The following MICAL2 variants were observed in gnomAD, a reference collection of about 807,000 sequenced individuals.
MICAL2 encodes the protein microtubule associated monooxygenase, calponin and LIM domain containing 2.
A neutral mutation model predicts 127.3 loss-of-function variants in MICAL2; 77 were observed. The ratio of observed to expected loss-of-function variants is 0.60; its 90% CI spans 0.50 to 0.73. The LOEUF is 0.73. MICAL2 is among the 30% of genes least tolerant of loss of function. The probability of loss-of-function intolerance (pLI) is 0.00; values close to 1 mark genes in which losing one functional copy is unlikely to be tolerated. For synonymous variants in MICAL2, 570 were observed against 551.1 expected, an observed-to-expected ratio of 1.03 and a Z score of -0.48; for missense variants, 1,351 against 1,434.4, an observed-to-expected ratio of 0.94 and a Z score of 0.94.
At chr11:12,224,133 C>A (rs941868113) in intron 12 of MICAL2, among the ~76,000 whole-genome samples, 1 of 152,184 alleles carries the variant, frequency 6.6e-6, no homozygotes, top group Non-Finnish European at 1.5e-5. Flanking sequence ...TTTACTGTTA[C>A]GCAAACATAG....
chr11:12,131,259 G>C (rs1590012613), intron 1 of MICAL2, among the ~76,000 whole-genome samples: 1 of 27,096 alleles, frequency 3.7e-5, no homozygotes, highest in Non-Finnish European at 1.2e-4. Flanking sequence ...CGCCACTGCA[G>C]TCCACAGTCC....
intron 21 of MICAL2, among the ~76,000 whole-genome samples, chr11:12,246,624 A>G (rs1196938537): frequency 6.6e-6 from 1 of 152,210 alleles, no homozygotes; most frequent in Non-Finnish European, 1.5e-5. Flanking sequence ...TTTTGGAGAC[A>G]GGGTCTCTCT....
At chr11:12,289,885 T>G (rs1292641092), downstream of MICAL2, among the ~76,000 whole-genome samples, 3 of 152,194 alleles carry the variant, frequency 2.0e-5, no homozygotes, top group Non-Finnish European at 4.4e-5. Flanking sequence ...CAATCTCTTT[T>G]TAGCCCATGT....
At chr11:12,291,079 GA>G (rs1043069808), downstream of MICAL2, among the ~76,000 whole-genome samples, 6 of 152,184 alleles carry the variant, frequency 3.9e-5, no homozygotes, top group Admixed American at 1.3e-4. Context: ...GCAGGGAGTT[GA>G]ACAAGAGAGT....
At chr11:12,304,753 T>A (rs1026446834) in intron 29 of MICAL2, among the ~76,000 whole-genome samples, 1 of 152,124 alleles carries the variant, frequency 6.6e-6, no homozygotes, top group Admixed American at 6.5e-5. Flanking sequence ...TTAGGCAGTC[T>A]GTTTTGGGTC....
chr11:12,239,801 A>G (rs1021747846), intron 17 of MICAL2, among the ~76,000 whole-genome samples: 6 of 152,232 alleles, frequency 3.9e-5, no homozygotes, highest in Non-Finnish European at 8.8e-5. Context: ...CAACTCTGCC[A>G]TTGTAGTATG....
intron 6 of MICAL2, among the ~76,000 whole-genome samples, chr11:12,210,832 C>T (rs1413529329): frequency 6.6e-6 from 1 of 152,164 alleles, no homozygotes; most frequent in East Asian, 1.9e-4. Context: ...ACGTTTGGGG[C>T]CACACCATTC....
intron 26 of MICAL2, chr11:12,261,054 G>T: frequency 1.0e-6 from 1 of 985,562 alleles, no homozygotes; most frequent in Non-Finnish European, 1.2e-6. Context: ...GCTGCAGGCT[G>T]AGCCAAGGCT....
intron 3 of MICAL2, among the ~76,000 whole-genome samples, chr11:12,164,851 T>C (rs1036069663): frequency 6.6e-6 from 1 of 152,178 alleles, no homozygotes; most frequent in Non-Finnish European, 1.5e-5. Flanking sequence ...ACAGGTGTCC[T>C]TGGCTGGGCG....
At chr11:12,319,125 G>A (rs915935317) in intron 29 of MICAL2, among the ~76,000 whole-genome samples, 14 of 152,194 alleles carry the variant, frequency 9.2e-5, no homozygotes, top group African/African-American at 3.4e-4. Flanking sequence ...GAGTCCTTTT[G>A]CTTCTGATTA....
intron 2 of MICAL2, among the ~76,000 whole-genome samples, chr11:12,145,302 G>A (rs903775756): frequency 6.6e-6 from 1 of 152,198 alleles, no homozygotes; most frequent in Non-Finnish European, 1.5e-5. Context: ...GACCCCTTTG[G>A]TGTTTGGCAT....
At chr11:12,348,877 A>G (rs941755047) in intron 32 of MICAL2, among the ~76,000 whole-genome samples, 13 of 152,250 alleles carry the variant, frequency 8.5e-5, no homozygotes, top group African/African-American at 3.1e-4. Flanking sequence ...TAGCCCATCA[A>G]CTGGCATGTA....
intron 33 of MICAL2, among the ~76,000 whole-genome samples, chr11:12,353,191 T>G (rs150038614): frequency 0.016 from 2,460 of 152,262 alleles, 33 homozygotes; most frequent in South Asian, 0.035. Context: ...AGGGGTGATG[T>G]GTGATACACA....
In MICAL2 at chr11:12,315,071, G is replaced by A. The variant is rs537271709; in HGVS notation, c.5213-4625G>A. ...ATTCTGCCAGGTTTTGTTTGAAAAC[G>A]TTTCACTTTTGCCTTTGTTTTTAAA... is the stretch of plus-strand genomic sequence containing the variant. On this transcript the variant is annotated intron_variant, in intron 29 of 34. Coordinates refer to the MICAL2 transcript ENST00000646065. 2.8e-4 allele frequency among the ~76,000 whole-genome samples: 42 copies of A among 152,080 alleles called. 1 individual carries two copies. The highest frequency in any genetic ancestry group is 1.0e-3 in the South Asian group (5 of 4,814).
At chr11:12,191,793 G>A (rs933773387) in intron 3 of MICAL2, among the ~76,000 whole-genome samples, 12 of 143,432 alleles carry the variant, frequency 8.4e-5, no homozygotes, top group Non-Finnish European at 1.7e-4. Flanking sequence ...AAAAGAGAGA[G>A]ATGTTGGGTT....
chr11:12,127,072 G>A (rs575508480), intron 1 of MICAL2, among the ~76,000 whole-genome samples: 2 of 152,310 alleles, frequency 1.3e-5, no homozygotes, highest in Non-Finnish European at 2.9e-5. Flanking sequence ...CAGATGCAAA[G>A]AGGCTTTAAT....
upstream of MICAL2, among the ~76,000 whole-genome samples, chr11:12,271,163 G>A (rs569449141): frequency 6.6e-6 from 1 of 152,320 alleles, no homozygotes; most frequent in South Asian, 2.1e-4. Flanking sequence ...TGAGGCTGAG[G>A]TGCTCAGTTC....
At chr11:12,114,641 A>G (rs1849855704) in intron 1 of MICAL2, among the ~76,000 whole-genome samples, 1 of 152,186 alleles carries the variant, frequency 6.6e-6, no homozygotes, top group Admixed American at 6.5e-5. Flanking sequence ...GCATTTGTCC[A>G]GTTGTATCAT....
At chr11:12,359,048 G>C (rs1939172211), downstream of MICAL2, 2 of 152,458 alleles carry the variant, frequency 1.3e-5, no homozygotes, top group African/African-American at 4.8e-5. Flanking sequence ...TCAATCCAGG[G>C]TGAATTTAAT....
Sources: allele counts gnomAD v4.1 joint callset (sites outside exome capture counted in the v4.1 genomes callset), GRCh38; gene constraint gnomAD v4.1.1; transcripts MANE v1.5; gene names NCBI Gene and HGNC (gene_info 2026-07-23, HGNC 2026-07-21).